Variants in CTPS1 observed in about 807,000 individuals in gnomAD.
CTPS1 encodes CTP synthase 1, also known as CTP synthetase 1.
Under a neutral mutation model 80.5 loss-of-function variants are expected in CTPS1, and 25 were observed. The observed-to-expected ratio is 0.31, with a 90% CI of 0.23 to 0.43. CTPS1 has a LOEUF of 0.43. CTPS1 is among the 20% of genes least tolerant of loss of function. CTPS1 has a pLI of 1.00. For missense variants in CTPS1, 442 were observed against 725.7 expected, an observed-to-expected ratio of 0.61 and a Z score of 4.49; for synonymous variants, 267 against 252.5, an observed-to-expected ratio of 1.06 and a Z score of -0.54.
intron 5 of CTPS1, among the ~76,000 whole-genome samples, chr1:40,988,938 G>A (rs1250235173): frequency 4.6e-5 from 7 of 152,216 alleles, no homozygotes; most frequent in Non-Finnish European, 8.8e-5. Flanking sequence ...TAGATTGGCC[G>A]TGTGCATTTG....
At chr1:41,006,608 A>G (rs1379797814) in intron 13 of CTPS1, among the ~76,000 whole-genome samples, 1 of 152,212 alleles carries the variant, frequency 6.6e-6, no homozygotes, top group Non-Finnish European at 1.5e-5. Flanking sequence ...GGCATGTGGC[A>G]TTCTCAGCCC....
chr1:40,980,564 G>A (rs572962928), intron 1 of CTPS1: 63 of 152,404 alleles, frequency 4.1e-4, no homozygotes, highest in African/African-American at 1.4e-3. Context: ...TCCCCTAGGT[G>A]AGAACCCGCG....
Position 40,991,174 on chromosome 1 carries a change from A to G in CTPS1, c.565A>G (p.Thr189Ala). The G allele has an allele frequency of 6.3e-7, 1 of 1,584,604 alleles. No individual in the cohort carries two copies. Among genetic ancestry groups the G allele is most frequent in the Non-Finnish European group, 8.5e-7 (1 of 1,172,354 alleles). Residue 189 changes from threonine (T) to alanine (A), a missense_variant, in exon 6 of 19, where the codon ACA becomes GCA. Physicochemically the swap from Thr to Ala is moderately conservative, Grantham distance 58 (BLOSUM62 0). Transcript: ENST00000650070. The stretch of plus-strand genomic sequence containing the variant: ...TTCTTTTGTGAAATAGCCAAGTTCA[A>G]CAGGGGAACAGAAGACTAAACCTAC... ...HVSLVPQPSS[T>A]GEQKTKPTQN...
intron 10 of CTPS1, among the ~76,000 whole-genome samples, chr1:41,001,326 T>C (rs935674935): frequency 6.6e-6 from 1 of 152,244 alleles, no homozygotes; most frequent in Non-Finnish European, 1.5e-5. Flanking sequence ...GATTTTGATA[T>C]TGTTTGCCAT....
Position 41,007,551 on chromosome 1 carries a change from A to T in CTPS1, c.1393+6A>T. 6.2e-7 allele frequency: 1 copy of T among 1,612,400 alleles called. No individual in the cohort carries two copies. The highest frequency in any genetic ancestry group is 8.5e-7 in the Non-Finnish European group (1 of 1,178,714). On this transcript the variant is annotated splice_donor_region_variant and intron_variant, in intron 14 of 18. Transcript: ENST00000650070. The surrounding 1 kb of genome is among the most constrained non-coding windows in gnomAD (Gnocchi z 4.4). ...GACCAAGAACTCAGTCATGAGTAAG[A>T]GCTGCCTCACGCTGGCCCAGCCTTT...
intron 12 of CTPS1, among the ~76,000 whole-genome samples, chr1:41,005,056 G>T (rs1474984127): frequency 6.6e-6 from 1 of 152,138 alleles, no homozygotes; most frequent in Non-Finnish European, 1.5e-5. Flanking sequence ...TTGAATTCTG[G>T]AGGTGTAGGT....
intron 6 of CTPS1, 30 bp from the exon 7 acceptor site, chr1:40,991,735 T>G (rs760251053): frequency 6.5e-7 from 1 of 1,529,330 alleles, no homozygotes; most frequent in Non-Finnish European, 9.0e-7. Flanking sequence ...TTTTTCCTTC[T>G]GTCTAAGCCA....
chr1:40,988,744 A>T, intron 5 of CTPS1, 34 bp downstream of exon 5: 1 of 1,404,604 alleles, frequency 7.1e-7, no homozygotes, highest in Non-Finnish European at 1.0e-6. Flanking sequence ...ACTTTGGGGG[A>T]GATGGAGAGG....
At chr1:40,993,689 T>C (rs78726768) in intron 7 of CTPS1, among the ~76,000 whole-genome samples, 3,196 of 152,194 alleles carry the variant, frequency 0.021, 110 homozygotes, top group African/African-American at 0.072. Context: ...TGACTTGATA[T>C]AGTCTGAATA....
rs1195935826 is a variant in CTPS1, at chr1:41,007,392, T to C, written c.1297-57T>C. ...TTGCCACCCACTCAGCGAGGGAGGTTTCTCTCTAGCGGAAGCAGAGTTCTG... is the reference window on the plus strand; with the variant it reads ...TTGCCACCCACTCAGCGAGGGAGGTCTCTCTCTAGCGGAAGCAGAGTTCTG... On this transcript the variant is annotated intron_variant, in intron 13 of 18. Transcript: ENST00000650070. This position sits in a 1 kb window ranked among gnomAD's most constrained non-coding sequence, Gnocchi z 4.4. 6.7e-7 allele frequency: 1 copy of C among 1,492,134 alleles called. No individual in the cohort carries two copies. Among genetic ancestry groups the C allele is most frequent in the Non-Finnish European group, 9.3e-7 (1 of 1,071,580 alleles). 92.4% of individuals were successfully genotyped at this position (1,492,134 alleles called of 1,614,324 possible). A position where few individuals can be genotyped will look rare whatever the true frequency, so the allele number is the denominator to read the frequency against.
chr1:40,997,630 C>G, intron 9 of CTPS1, 104 bp downstream of exon 9: 4 of 1,352,094 alleles, frequency 3.0e-6, no homozygotes, highest in Non-Finnish European at 4.0e-6. Flanking sequence ...CTCAGAATTA[C>G]TTTTTAAGGA....
chr1:40,988,422 G>A, intron 4 of CTPS1, 172 bp from the exon 5 acceptor site: 1 of 592,746 alleles, frequency 1.7e-6, no homozygotes, highest in Non-Finnish European at 3.0e-6. Context: ...TAACCTTTTA[G>A]TACAAAGAGT....
At chr1:40,982,426 G>A (rs1489435218) in intron 1 of CTPS1, among the ~76,000 whole-genome samples, 1 of 147,426 alleles carries the variant, frequency 6.8e-6, no homozygotes, top group Non-Finnish European at 1.5e-5. Context: ...GTCTTATTCT[G>A]TCGCGCACGC....
At chr1:40,986,719 ATTC>A (rs996534653) in intron 3 of CTPS1, among the ~76,000 whole-genome samples, 10 of 152,228 alleles carry the variant, frequency 6.6e-5, no homozygotes, top group African/African-American at 2.4e-4. Flanking sequence ...AATTGCTGGC[ATTC>A]TTTGAGCATT....
intron 17 of CTPS1, 143 bp downstream of exon 17, chr1:41,009,732 C>T (rs930809288): frequency 1.0e-5 from 10 of 967,304 alleles, no homozygotes; most frequent in African/African-American, 3.3e-5. Context: ...TCTCCTTTCC[C>T]GGAGCTTTCT....
chr1:41,010,272 GT>G lies in CTPS1; in HGVS notation c.*9+22del, dbSNP rs765038276. 3 of 1,561,274 alleles carry G rather than the reference GT, an allele frequency of 1.9e-6. No individual in the cohort carries two copies. The East Asian group carries it at 6.7e-5, about 35-fold the overall frequency. On this transcript the variant is annotated intron_variant, in intron 18 of 18. Coordinates refer to ENST00000650070, the MANE Select transcript of CTPS1 (RefSeq NM_001905.4). ...CTTGTAGCGTAAGTGGTACTTTAAAGTTTTAGTTTTTAAAAACATGGTGATA... is the reference window on the plus strand; with the variant it reads ...CTTGTAGCGTAAGTGGTACTTTAAAGTTTAGTTTTTAAAAACATGGTGATA...
chr1:41,003,293 C>A, intron 12 of CTPS1, 117 bp downstream of exon 12: 1 of 1,088,708 alleles, frequency 9.2e-7, no homozygotes, highest in Non-Finnish European at 1.4e-6. Flanking sequence ...GGGTTCCTAG[C>A]ACCTCATGGT....
chr1:41,011,211 G>C (rs1643163868), intron 18 of CTPS1, among the ~76,000 whole-genome samples: 1 of 152,218 alleles, frequency 6.6e-6, no homozygotes, highest in Non-Finnish European at 1.5e-5. Context: ...GTTAGTATCA[G>C]GAGGAGGGCC....
chr1:41,002,232 G>T lies in CTPS1; in HGVS notation c.1167G>T (p.Arg389=), dbSNP rs199548358. The T allele has an allele frequency of 3.7e-6, 6 of 1,614,140 alleles. No homozygotes were observed. Among genetic ancestry groups the T allele is most frequent in the Non-Finnish European group, 5.1e-6 (6 of 1,180,006 alleles). ...AAATCCAAGCAATTGCCTGGGCTCG[G>T]AATCAGAAAAAGCCTTTTTTGGGTA... is the stretch of plus-strand genomic sequence containing the variant. The part of the protein sequence containing the change: ...EGKIQAIAWA[R]NQKKPFLGVC... The change falls in exon 11 of 19, where the codon CGG becomes CGT. Residue 389 remains arginine, a synonymous_variant. Transcript: ENST00000650070.
Sources: gnomAD v4.1 joint callset for allele counts (sites outside exome capture counted in the v4.1 genomes callset) on GRCh38, gnomAD v4.1.1 for gene constraint, Gnocchi (gnomAD v3.1) non-coding constraint, MANE v1.5 for transcripts, NCBI Gene and HGNC (gene_info 2026-07-23, HGNC 2026-07-21) for gene names.